Variants in PTPRM observed in about 807,000 individuals in gnomAD.
PTPRM encodes protein tyrosine phosphatase receptor type M.
A neutral mutation model predicts 186.7 loss-of-function variants in PTPRM; 47 were observed. The ratio of observed to expected loss-of-function variants is 0.25; its 90% CI spans 0.20 to 0.32. The LOEUF (loss-of-function observed/expected upper bound fraction) is 0.32. Among genes scored for constraint, PTPRM ranks in the 10% least tolerant of loss-of-function variants. The pLI is 1.00. For synonymous variants in PTPRM, 668 were observed against 674.9 expected (o/e 0.99, Z 0.16); for missense variants, 1,494 against 1,865.0 (o/e 0.80, Z 3.66).
At position 8,056,459 on chromosome 18, in the gene PTPRM, T is replaced by G. The variant is rs113616003; in HGVS notation, c.1133-13227T>G. On this transcript the variant is annotated intron_variant, in intron 7 of 32. Transcript: ENST00000580170. Reference sequence around the variant, plus strand: ...CTAGTCAACATGGTGAAACTCCGACTCTAAACTACAAAATTAGCCAGGCAT... The same window carrying G: ...CTAGTCAACATGGTGAAACTCCGACGCTAAACTACAAAATTAGCCAGGCAT... Among the ~76,000 whole-genome samples, 1,222 of 152,182 alleles carry G rather than the reference T, an allele frequency of 8.0e-3. 20 individuals are homozygous for G. The highest frequency in any genetic ancestry group is 0.028 in the African/African-American group (1,180 of 41,518).
At chr18:8,337,923 T>C (rs1428316863) in intron 22 of PTPRM, among the ~76,000 whole-genome samples, 1 of 152,120 alleles carries the variant, frequency 6.6e-6, no homozygotes, top group Non-Finnish European at 1.5e-5. Flanking sequence ...TGTGGGAGGA[T>C]TTATGCAGGA....
At chr18:7,594,551 G>T (rs961545834) in intron 1 of PTPRM, among the ~76,000 whole-genome samples, 2 of 152,032 alleles carry the variant, frequency 1.3e-5, no homozygotes, top group African/African-American at 4.8e-5. Flanking sequence ...GGGTGAAAAA[G>T]TAAGGTGTGT....
chr18:8,130,657 G>C (rs1362271518), intron 13 of PTPRM, among the ~76,000 whole-genome samples: 1 of 152,106 alleles, frequency 6.6e-6, no homozygotes, highest in Non-Finnish European at 1.5e-5. Flanking sequence ...GTAGACTCCA[G>C]ATCATTTTCA....
At chr18:7,725,688 G>A (rs1463115197) in intron 1 of PTPRM, among the ~76,000 whole-genome samples, 1 of 152,124 alleles carries the variant, frequency 6.6e-6, no homozygotes, top group Non-Finnish European at 1.5e-5. Flanking sequence ...TTGCTTTGGA[G>A]AGGATTCTGG....
At chr18:8,098,651 A>G (rs1161885530) in intron 11 of PTPRM, among the ~76,000 whole-genome samples, 3 of 152,154 alleles carry the variant, frequency 2.0e-5, no homozygotes, top group South Asian at 4.2e-4. Context: ...ATTGCTTCAA[A>G]TAAGCCATTG....
intron 19 of PTPRM, among the ~76,000 whole-genome samples, chr18:8,255,354 C>G (rs539018717): frequency 2.0e-4 from 31 of 152,158 alleles, no homozygotes; most frequent in Non-Finnish European, 4.4e-4. Flanking sequence ...ATACCTACTT[C>G]CTATAACATG....
chr18:7,662,886 A>T (rs978059872), intron 1 of PTPRM, among the ~76,000 whole-genome samples: 1 of 152,194 alleles, frequency 6.6e-6, no homozygotes, highest in African/African-American at 2.4e-5. Context: ...TTAAGAATTA[A>T]AAAAGATATA....
chr18:8,287,082 A>G (rs2094964810), intron 19 of PTPRM, among the ~76,000 whole-genome samples: 1 of 152,060 alleles, frequency 6.6e-6, no homozygotes, highest in Non-Finnish European at 1.5e-5. Flanking sequence ...AAATACCAGG[A>G]AGGGATGTTT....
At chr18:7,696,607 A>G (rs536854580) in intron 1 of PTPRM, among the ~76,000 whole-genome samples, 19 of 152,228 alleles carry the variant, frequency 1.2e-4, no homozygotes, top group Admixed American at 3.9e-4. Flanking sequence ...CACAGGCCAC[A>G]TGTGGAGTTT....
chr18:8,381,856 C>T (rs2095738772), intron 29 of PTPRM, among the ~76,000 whole-genome samples: 1 of 152,076 alleles, frequency 6.6e-6, no homozygotes, highest in African/African-American at 2.4e-5. Flanking sequence ...TGGTTTTTTT[C>T]TTAATGTGAA....
chr18:8,109,255 A>T (rs2091655630), intron 11 of PTPRM, among the ~76,000 whole-genome samples: 1 of 152,212 alleles, frequency 6.6e-6, no homozygotes, highest in Non-Finnish European at 1.5e-5. Flanking sequence ...AGCAGATAGG[A>T]TTTAGCTATT....
intron 19 of PTPRM, among the ~76,000 whole-genome samples, chr18:8,285,210 G>A (rs2094943280): frequency 6.6e-6 from 1 of 152,172 alleles, no homozygotes; most frequent in Non-Finnish European, 1.5e-5. Flanking sequence ...AATACAGAAA[G>A]CAATCCTGTT....
At chr18:8,229,492 AT>A (rs1328216758) in intron 14 of PTPRM, among the ~76,000 whole-genome samples, 1 of 152,202 alleles carries the variant, frequency 6.6e-6, no homozygotes, top group Admixed American at 6.5e-5. Context: ...AGTTCTGAAA[AT>A]AAAAATTATT....
intron 10 of PTPRM, among the ~76,000 whole-genome samples, chr18:8,088,320 G>T (rs1292397551): frequency 2.0e-5 from 3 of 152,088 alleles, no homozygotes; most frequent in African/African-American, 7.2e-5. Flanking sequence ...CCTTGATTTA[G>T]ATGGAATAAC....
At chr18:7,742,544 T>C (rs2040903997) in intron 1 of PTPRM, among the ~76,000 whole-genome samples, 1 of 152,190 alleles carries the variant, frequency 6.6e-6, no homozygotes, top group African/African-American at 2.4e-5. Flanking sequence ...TTTTATCTTT[T>C]TAAGGAACTC....
At chr18:7,795,039 C>T (rs543556780) in intron 2 of PTPRM, among the ~76,000 whole-genome samples, 91 of 152,314 alleles carry the variant, frequency 6.0e-4, no homozygotes, top group African/African-American at 2.0e-3. Context: ...GCTCTTCTCT[C>T]GTCAAAAGAT....
At chr18:7,843,527 A>G (rs2046451098) in intron 2 of PTPRM, among the ~76,000 whole-genome samples, 1 of 152,162 alleles carries the variant, frequency 6.6e-6, no homozygotes, top group Admixed American at 6.5e-5. Context: ...CCAGACTACT[A>G]ATATATTATC....
intron 1 of PTPRM, among the ~76,000 whole-genome samples, chr18:7,571,991 T>G (rs987077638): frequency 5.9e-5 from 9 of 152,304 alleles, no homozygotes; most frequent in African/African-American, 2.2e-4. Context: ...AGTCATAGCA[T>G]TTTACATTTT....
At chr18:7,724,746 G>T (rs911326899) in intron 1 of PTPRM, among the ~76,000 whole-genome samples, 2 of 152,180 alleles carry the variant, frequency 1.3e-5, no homozygotes, top group African/African-American at 4.8e-5. Context: ...TAAAGATTTG[G>T]TGGCTGTTCC....
Sources: allele counts gnomAD v4.1 joint callset (sites outside exome capture counted in the v4.1 genomes callset), GRCh38; gene constraint gnomAD v4.1.1; transcripts MANE v1.5; gene names NCBI Gene and HGNC (gene_info 2026-07-23, HGNC 2026-07-21).